Variants in CRYAB observed in about 807,000 individuals in gnomAD.
The protein encoded by CRYAB is alpha-crystallin B chain.
A neutral mutation model predicts 12.7 loss-of-function variants in CRYAB; 9 were observed. That is an observed-to-expected ratio of 0.71 (90% confidence interval 0.43 to 1.24). The LOEUF is 1.24. Among genes scored for constraint, CRYAB ranks in the 50% most tolerant of loss-of-function variants. The pLI is 0.00. For missense variants in CRYAB, 183 were observed against 226.6 expected, an observed-to-expected ratio of 0.81 and a Z score of 1.24; for synonymous variants, 93 against 86.8, an observed-to-expected ratio of 1.07 and a Z score of -0.40.
chr11:111,914,105 T>G (rs894097710), upstream of CRYAB: 1 of 551,224 alleles, frequency 1.8e-6, no homozygotes, highest in Non-Finnish European at 3.2e-6. Context: ...TTGTTTGTAC[T>G]GCTCCCTATT....
At chr11:111,919,202 C>T (rs1380510816) in intron 1 of CRYAB, 9 of 629,576 alleles carry the variant, frequency 1.4e-5, no homozygotes, top group African/African-American at 1.1e-4. Context: ...TGGCTGGGCG[C>T]GGTGGCTCAC....
At chr11:111,912,635 G>A (rs782062599), upstream of CRYAB, 15 of 603,770 alleles carry the variant, frequency 2.5e-5, no homozygotes, top group Non-Finnish European at 4.1e-5. Flanking sequence ...GGGCGGCGCT[G>A]GTCACACCCT....
upstream of CRYAB, among the ~76,000 whole-genome samples, chr11:111,916,060 C>T (rs782245066): frequency 5.3e-5 from 8 of 151,934 alleles, no homozygotes; most frequent in Non-Finnish European, 1.5e-5. Context: ...TCTTTTTGGT[C>T]TTAACTGACT....
At chr11:111,913,690 G>A (rs983384295), upstream of CRYAB, 32 of 1,614,000 alleles carry the variant, frequency 2.0e-5, no homozygotes, top group Non-Finnish European at 2.3e-5. Context: ...TTCGTGTCCC[G>A]AGAGTTCTGC....
chr11:111,909,982 A>G (rs782458552), intron 2 of CRYAB: 4 of 601,300 alleles, frequency 6.7e-6, no homozygotes, highest in South Asian at 6.0e-5. Context: ...TCGGCAGCAC[A>G]TATGCTAATT....
At chr11:111,910,535 G>T in intron 1 of CRYAB, 86 bp from the exon 2 acceptor site, 1 of 1,511,632 alleles carries the variant, frequency 6.6e-7, no homozygotes, top group Non-Finnish European at 9.2e-7. Flanking sequence ...CTGCAGAGCT[G>T]CTTTCTGTCC....
chr11:111,917,566 G>A (rs927069599), upstream of CRYAB, among the ~76,000 whole-genome samples: 4 of 151,696 alleles, frequency 2.6e-5, no homozygotes, highest in African/African-American at 7.3e-5. Flanking sequence ...ACTTTGGGAG[G>A]CTGAGATGGG....
chr11:111,921,986 C>T (rs1461796792), intron 1 of CRYAB, among the ~76,000 whole-genome samples: 1 of 152,210 alleles, frequency 6.6e-6, no homozygotes, highest in African/African-American at 2.4e-5. Flanking sequence ...GTGCGTGCCA[C>T]CACGCCCAGC....
upstream of CRYAB, chr11:111,912,693 A>C: frequency 1.5e-5 from 5 of 327,458 alleles, no homozygotes; most frequent in Non-Finnish European, 1.7e-5. Context: ...CCCCCCCAAG[A>C]GGCTCGGCAC....
At chr11:111,917,438 A>T (rs1965613768), upstream of CRYAB, among the ~76,000 whole-genome samples, 1 of 152,132 alleles carries the variant, frequency 6.6e-6, no homozygotes, top group Non-Finnish European at 1.5e-5. Context: ...AGAAAGTAAG[A>T]TGTGGGAACC....
At chr11:111,916,460 C>T (rs1298710526), upstream of CRYAB, among the ~76,000 whole-genome samples, 1 of 152,154 alleles carries the variant, frequency 6.6e-6, no homozygotes, top group Admixed American at 6.5e-5. Flanking sequence ...TGGCCTCAAG[C>T]AATCTGCCCA....
chr11:111,911,016 C>A (rs139588010), intron 1 of CRYAB: 96 of 223,482 alleles, frequency 4.3e-4, no homozygotes, highest in African/African-American at 2.0e-3. Flanking sequence ...ATTGTTTCCT[C>A]GTAGGGCTTG....
upstream of CRYAB, chr11:111,913,210 T>TCCTCCC (rs1209208600): frequency 8.4e-6 from 5 of 593,284 alleles, no homozygotes; most frequent in African/African-American, 9.5e-5. Flanking sequence ...TGCCTCCTCC[T>TCCTCCC]CCTCCCCCTC....
At chr11:111,918,724 A>C (rs1555166267) in intron 1 of CRYAB, 5 of 682,392 alleles carry the variant, frequency 7.3e-6, no homozygotes, top group African/African-American at 7.0e-5. Context: ...GCTTCATCAA[A>C]AGACGCTTCA....
At chr11:111,911,434 G>C in intron 1 of CRYAB, 90 bp downstream of exon 1, 1 of 1,365,322 alleles carries the variant, frequency 7.3e-7, no homozygotes, top group Non-Finnish European at 1.0e-6. Flanking sequence ...GCCTAAAATG[G>C]TTTAGGCAGG....
intron 1 of CRYAB, among the ~76,000 whole-genome samples, chr11:111,922,324 A>G (rs1224405443): frequency 6.6e-6 from 1 of 152,126 alleles, no homozygotes; most frequent in Non-Finnish European, 1.5e-5. Flanking sequence ...TTTGTTCTCT[A>G]TTTTTTGTTA....
chr11:111,921,039 T>G (rs1360222513), intron 1 of CRYAB, among the ~76,000 whole-genome samples: 1 of 152,240 alleles, frequency 6.6e-6, no homozygotes, highest in Non-Finnish European at 1.5e-5. Flanking sequence ...TTTTCATCAC[T>G]GCCATGCCGT....
At chr11:111,911,446 T>G in intron 1 of CRYAB, 78 bp downstream of exon 1, 1 of 1,462,842 alleles carries the variant, frequency 6.8e-7, no homozygotes, top group Non-Finnish European at 9.4e-7. Context: ...TTAGGCAGGG[T>G]AGGAAAGGAA....
intron 1 of CRYAB, among the ~76,000 whole-genome samples, chr11:111,921,663 C>T (rs138035770): frequency 1.8e-4 from 28 of 152,190 alleles, no homozygotes; most frequent in African/African-American, 6.3e-4. Flanking sequence ...TCTTTCTTCC[C>T]AAGTGTTGGT....
Sources: gnomAD v4.1 joint callset for allele counts (sites outside exome capture counted in the v4.1 genomes callset) on GRCh38, gnomAD v4.1.1 for gene constraint, MANE v1.5 for transcripts, NCBI Gene and HGNC (gene_info 2026-07-23, HGNC 2026-07-21) for gene names.